Variants in EPHA5 observed in about 807,000 individuals in gnomAD.
The protein encoded by EPHA5 is EPH receptor A5.
A neutral mutation model predicts 105.0 loss-of-function variants in EPHA5; 60 were observed. The observed-to-expected ratio is 0.57, with a 90% CI of 0.46 to 0.71. The LOEUF (loss-of-function observed/expected upper bound fraction) is 0.71. EPHA5 is among the 30% of genes least tolerant of loss of function. EPHA5 has a pLI of 0.00. For synonymous variants in EPHA5, 513 were observed against 449.1 expected (o/e 1.14, Z -1.80); for missense variants, 1,218 against 1,274.7 (o/e 0.96, Z 0.68).
intron 3 of EPHA5, among the ~76,000 whole-genome samples, chr4:65,577,329 TAATA>T (rs1741158621): frequency 6.6e-6 from 1 of 152,106 alleles, no homozygotes; most frequent in Non-Finnish European, 1.5e-5. Flanking sequence ...CCTCTTTAAT[TAATA>T]CTTTCATCTA....
chr4:65,360,937 C>A (rs1251799019), intron 11 of EPHA5, among the ~76,000 whole-genome samples: 4 of 151,420 alleles, frequency 2.6e-5, no homozygotes, highest in Non-Finnish European at 5.9e-5. Flanking sequence ...AAAACATGTG[C>A]AGATTTAATT....
intron 3 of EPHA5, among the ~76,000 whole-genome samples, chr4:65,523,644 A>G (rs1317534597): frequency 6.6e-6 from 1 of 152,000 alleles, no homozygotes; most frequent in Non-Finnish European, 1.5e-5. Context: ...TCTCTCACAT[A>G]TCAGAAACCA....
chr4:65,431,657 G>A (rs1400594434), intron 5 of EPHA5, among the ~76,000 whole-genome samples: 1 of 152,012 alleles, frequency 6.6e-6, no homozygotes, highest in Non-Finnish European at 1.5e-5. Flanking sequence ...TAGTGAGTTG[G>A]GTTATCGCAA....
intron 8 of EPHA5, among the ~76,000 whole-genome samples, chr4:65,372,600 G>T (rs970342582): frequency 5.9e-5 from 9 of 151,892 alleles, no homozygotes; most frequent in African/African-American, 1.9e-4. Flanking sequence ...TGATTAAGAG[G>T]AATTTAGTTA....
rs549490456 is a variant in EPHA5 at position 65,505,956 on chromosome 4, C to T, written c.911-10413G>A. Among the ~76,000 whole-genome samples the T allele has an allele frequency of 3.9e-5, 6 of 152,042 alleles. No individual in the cohort carries two copies. In the East Asian group the frequency reaches 9.7e-4, roughly 24 times the overall value. On this transcript the variant is annotated intron_variant, in intron 3 of 16. Coordinates refer to ENST00000613740, the MANE Select transcript of EPHA5 (RefSeq NM_001281766.3). ...TGTTGGTGTGCTACACCCATTGACTCGTCATTTAACATTAGGTATATCTCC... is the reference window on the plus strand; with the variant it reads ...TGTTGGTGTGCTACACCCATTGACTTGTCATTTAACATTAGGTATATCTCC...
At chr4:65,606,869 G>A (rs76022287) in intron 2 of EPHA5, among the ~76,000 whole-genome samples, 1 of 152,036 alleles carries the variant, frequency 6.6e-6, no homozygotes, top group Non-Finnish European at 1.5e-5. Context: ...ATCTGGCAAA[G>A]AATCAATTGC....
At chr4:65,458,381 C>A (rs373014322) in intron 5 of EPHA5, among the ~76,000 whole-genome samples, 1 of 152,114 alleles carries the variant, frequency 6.6e-6, no homozygotes, top group Non-Finnish European at 1.5e-5. Context: ...CATTCTAAAT[C>A]TTTTATGCAT....
At chr4:65,581,777 A>G (rs924861485) in intron 3 of EPHA5, among the ~76,000 whole-genome samples, 3 of 151,730 alleles carry the variant, frequency 2.0e-5, no homozygotes, top group East Asian at 3.9e-4. Context: ...GTACCAATTT[A>G]ATGGAAGGTT....
At chr4:65,594,618 A>G (rs534383950) in intron 3 of EPHA5, among the ~76,000 whole-genome samples, 72 of 152,306 alleles carry the variant, frequency 4.7e-4, no homozygotes, top group African/African-American at 1.5e-3. Context: ...TAAAAGTTTG[A>G]CCAGAAAGAA....
Position 65,335,991 on chromosome 4 carries a change from C to T in EPHA5, c.2730G>A (p.Met910Ile), listed in dbSNP as rs1415093400. The change falls in exon 15 of 17, where the codon ATG (methionine) becomes ATA (isoleucine). Residue 910 changes from methionine (M) to isoleucine (I), a missense_variant. Physicochemically the swap from Met to Ile is conservative, Grantham distance 10. This residue lies in a region of EPHA5 where 971 missense variants were observed against 1,013.5 expected (regional missense o/e 0.96). Transcript: ENST00000613740. Reference protein sequence around the residue: ...SRPKFDEIVNMLDKLIRNPSS... With the variant: ...SRPKFDEIVNILDKLIRNPSS... ...TTGGGTTACGTATCAGCTTGTCCAACATGTTGACTATTTCATCAAACTTGG... is the reference window on the plus strand; with the variant it reads ...TTGGGTTACGTATCAGCTTGTCCAATATGTTGACTATTTCATCAAACTTGG... The T allele has an allele frequency of 6.2e-6, 10 of 1,613,106 alleles. No homozygotes were observed. In the South Asian group the frequency reaches 8.8e-5, roughly 14 times the overall value.
rs1481156728 is a variant in EPHA5, at chr4:65,348,809, A to T, written c.2446-606T>A. ...TGTGTGTGTGTATATATATATATAT[A>T]TATATATTTTTTTTTTTTTTTTTTG... On this transcript the variant is annotated intron_variant, in intron 13 of 16. Transcript: ENST00000613740. Among the ~76,000 whole-genome samples, 10 of 54,876 alleles carry T rather than the reference A, an allele frequency of 1.8e-4. No homozygotes were observed. In the East Asian group the frequency reaches 2.2e-3, roughly 12 times the overall value. The allele number at this position is 54,876 out of a possible 152,430, so 36.0% of individuals were successfully genotyped here.
intron 11 of EPHA5, among the ~76,000 whole-genome samples, chr4:65,361,483 G>C (rs1019756825): frequency 2.6e-5 from 4 of 151,646 alleles, no homozygotes; most frequent in South Asian, 2.1e-4. Flanking sequence ...GCAGTGATTT[G>C]AGGGCAATGT....
chr4:65,369,834 G>A (rs981814305), intron 8 of EPHA5, among the ~76,000 whole-genome samples: 14 of 152,138 alleles, frequency 9.2e-5, no homozygotes, highest in African/African-American at 3.1e-4. Context: ...AGGCATGGTG[G>A]CAGGCACCTG....
intron 3 of EPHA5, among the ~76,000 whole-genome samples, chr4:65,547,530 T>C (rs1184771061): frequency 6.6e-6 from 1 of 152,036 alleles, no homozygotes; most frequent in East Asian, 1.9e-4. Flanking sequence ...GATGTTCCGG[T>C]TAAGTCATTT....
chr4:65,490,241 G>A (rs1248979870), intron 5 of EPHA5, 136 bp downstream of exon 5: 1 of 716,750 alleles, frequency 1.4e-6, no homozygotes, highest in African/African-American at 1.8e-5. Context: ...CGTTTTTGAT[G>A]TGTTATACTT....
chr4:65,339,134 A>G (rs1444738725), intron 14 of EPHA5, among the ~76,000 whole-genome samples: 1 of 152,146 alleles, frequency 6.6e-6, no homozygotes, highest in Non-Finnish European at 1.5e-5. Context: ...TCTCTTTCCA[A>G]TTCCTAAAAA....
intron 5 of EPHA5, among the ~76,000 whole-genome samples, chr4:65,442,244 G>A (rs1726089372): frequency 6.6e-6 from 1 of 152,048 alleles, no homozygotes; most frequent in Admixed American, 6.6e-5. Context: ...TTAGGGTGGG[G>A]CCTCCATGAG....
At chr4:65,601,600 T>C (rs1227766195) in intron 3 of EPHA5, 41 bp downstream of exon 3, 1 of 1,579,194 alleles carries the variant, frequency 6.3e-7, no homozygotes, top group Non-Finnish European at 8.6e-7. Context: ...ATGATCCAAC[T>C]GAAGCAGACA....
chr4:65,660,365 A>T (rs1749452742), intron 1 of EPHA5, among the ~76,000 whole-genome samples: 1 of 152,158 alleles, frequency 6.6e-6, no homozygotes, highest in Non-Finnish European at 1.5e-5. Context: ...CACCTTGGAT[A>T]GCTCTATAGA....
Sources: gnomAD v4.1 joint callset for allele counts (sites outside exome capture counted in the v4.1 genomes callset) on GRCh38, gnomAD v4.1.1 for gene constraint, gnomAD v4.1.1 regional missense constraint, MANE v1.5 for transcripts, NCBI Gene and HGNC (gene_info 2026-07-23, HGNC 2026-07-21) for gene names.